The following SPIDR variants were observed in gnomAD, a reference collection of about 807,000 sequenced individuals.
The protein encoded by SPIDR is scaffold protein involved in DNA repair, also known as DNA repair-scaffolding protein.
In SPIDR, 93 loss-of-function variants were observed where a neutral mutation model predicts 104.6. The observed-to-expected ratio is 0.89, with a 90% CI of 0.75 to 1.06. The LOEUF (loss-of-function observed/expected upper bound fraction) is 1.06, where lower values mean the gene tolerates loss of function less well. Ranked by LOEUF, SPIDR falls within the 50% of genes least tolerant of loss-of-function variation. The pLI, the probability that SPIDR is intolerant of heterozygous loss-of-function variation, is 0.00. For synonymous variants in SPIDR, 431 were observed against 416.9 expected (o/e 1.03, Z -0.41); for missense variants, 1,154 against 1,111.2 (o/e 1.04, Z -0.55).
chr8:47,430,447 C>T (rs1269281053), intron 7 of SPIDR, among the ~76,000 whole-genome samples: 4 of 152,046 alleles, frequency 2.6e-5, no homozygotes, highest in Admixed American at 1.3e-4. Flanking sequence ...TGGCAGGGGC[C>T]GGATTGATGT....
chr8:47,402,970 CTGAA>C (rs1273778670), intron 6 of SPIDR, among the ~76,000 whole-genome samples: 1 of 152,164 alleles, frequency 6.6e-6, no homozygotes, highest in Non-Finnish European at 1.5e-5. Context: ...TACTGGCAAA[CTGAA>C]TGCAGCAGCA....
At position 47,547,004 on chromosome 8, in the gene SPIDR, G is replaced by A. The variant is rs2089516462; in HGVS notation, c.1098-48807G>A. 5.9e-6 allele frequency: 3 copies of A among 509,074 alleles called. No homozygotes were observed. The Admixed American group carries it at 6.9e-5, about 12-fold the overall frequency. 31.5% of individuals were successfully genotyped at this position (509,074 alleles called of 1,614,324 possible). On this transcript the variant is annotated intron_variant, in intron 8 of 19. Coordinates refer to ENST00000297423, the MANE Select transcript of SPIDR (RefSeq NM_001080394.4). ...AAGATCAAGGGTGCCTCTCTCTGTG[G>A]GTAATGACACCAGTTCTTCCCAAGT...
chr8:47,584,120 A>G, intron 8 of SPIDR, among the ~76,000 whole-genome samples: 1 of 152,158 alleles, frequency 6.6e-6, no homozygotes, highest in Non-Finnish European at 1.5e-5. Context: ...GATTTCCCAG[A>G]TCATATAGAT....
intron 16 of SPIDR, among the ~76,000 whole-genome samples, chr8:47,718,936 G>C (rs1009427837): frequency 8.6e-5 from 13 of 151,940 alleles, no homozygotes; most frequent in Admixed American, 3.9e-4. Context: ...CCCTACGCAG[G>C]GCTCCTTCTA....
intron 7 of SPIDR, among the ~76,000 whole-genome samples, chr8:47,429,082 A>G (rs988715748): frequency 7.9e-5 from 12 of 152,212 alleles, no homozygotes; most frequent in South Asian, 2.1e-4. Context: ...CTGTGATACT[A>G]GTTTGTTCAC....
At chr8:47,297,629 G>A (rs950655748) in intron 5 of SPIDR, among the ~76,000 whole-genome samples, 25 of 151,722 alleles carry the variant, frequency 1.6e-4, no homozygotes, top group Admixed American at 9.9e-4. Flanking sequence ...CACGACAGGC[G>A]CCGGTGTGTG....
intron 8 of SPIDR, among the ~76,000 whole-genome samples, chr8:47,537,095 C>G (rs919679674): frequency 2.0e-5 from 3 of 152,186 alleles, no homozygotes; most frequent in Non-Finnish European, 4.4e-5. Flanking sequence ...AAGAACAGAA[C>G]TATCATTCAT....
At chr8:47,491,108 T>G (rs139317441) in intron 8 of SPIDR, among the ~76,000 whole-genome samples, 2 of 152,132 alleles carry the variant, frequency 1.3e-5, no homozygotes, top group Admixed American at 1.3e-4. Context: ...CTTCAAACTT[T>G]AAAAAGACGT....
chr8:47,663,436 T>G (rs2074420957), intron 10 of SPIDR, among the ~76,000 whole-genome samples: 4 of 152,258 alleles, frequency 2.6e-5, no homozygotes, highest in Non-Finnish European at 5.9e-5. Context: ...GCAGTCCTGC[T>G]GTATTTAGCA....
At chr8:47,722,062 G>C (rs1213021677) in intron 16 of SPIDR, among the ~76,000 whole-genome samples, 1 of 152,184 alleles carries the variant, frequency 6.6e-6, no homozygotes, top group Non-Finnish European at 1.5e-5. Flanking sequence ...TCTTTCAGAA[G>C]AGTTTTTTAG....
intron 10 of SPIDR, among the ~76,000 whole-genome samples, chr8:47,607,481 C>G (rs1455203336): frequency 6.6e-6 from 1 of 152,024 alleles, no homozygotes; most frequent in African/African-American, 2.4e-5. Flanking sequence ...TAATGAGGAA[C>G]ATGCACTAGT....
intron 5 of SPIDR, among the ~76,000 whole-genome samples, chr8:47,377,665 G>A (rs957213866): frequency 2.0e-5 from 3 of 152,238 alleles, no homozygotes; most frequent in Admixed American, 2.0e-4. Context: ...GGAAACAGCA[G>A]GTTTCACCAT....
intron 5 of SPIDR, among the ~76,000 whole-genome samples, chr8:47,296,598 TC>T (rs1242855467): frequency 2.0e-5 from 3 of 152,228 alleles, no homozygotes; most frequent in Non-Finnish European, 4.4e-5. Context: ...TTCTGGGCTC[TC>T]TACCCTGTTT....
rs1207420914 is a variant in SPIDR at position 47,396,613 on chromosome 8, A to G, written c.763A>G (p.Lys255Glu). 7.4e-6 allele frequency: 12 copies of G among 1,612,828 alleles called. No individual in the cohort carries two copies. Among genetic ancestry groups the G allele is most frequent in the East Asian group, 6.7e-5 (3 of 44,860 alleles). The change falls in exon 6 of 20, where the codon AAG becomes GAG. Residue 255 changes from lysine (K) to glutamate (E), a missense_variant. Transcript: ENST00000297423. ...FPRTPENSAK[K>E]KLLRGGLAER... ...CAGGACTCCAGAAAATTCAGCAAAG[A>G]AGAAGCTTTTAAGGTTAAATTATAC...
At chr8:47,411,799 A>C (rs1478854059) in intron 7 of SPIDR, among the ~76,000 whole-genome samples, 1 of 152,174 alleles carries the variant, frequency 6.6e-6, no homozygotes, top group African/African-American at 2.4e-5. Context: ...TCTAACATTT[A>C]AGTCTTTAAT....
chr8:47,474,926 G>C (rs1356497163), intron 8 of SPIDR, among the ~76,000 whole-genome samples: 1 of 152,170 alleles, frequency 6.6e-6, no homozygotes, highest in Non-Finnish European at 1.5e-5. Context: ...TGGCTTTTAG[G>C]TCAGCTTGGA....
At chr8:47,619,171 GT>G (rs2064772302) in intron 10 of SPIDR, among the ~76,000 whole-genome samples, 1 of 152,120 alleles carries the variant, frequency 6.6e-6, no homozygotes, top group South Asian at 2.1e-4. Flanking sequence ...GATTAAGTTG[GT>G]TTTAGTCATG....
At position 47,700,361 on chromosome 8, in the gene SPIDR, G is replaced by A. The variant is rs772184578; in HGVS notation, c.1686-42G>A. 6 of 1,600,248 alleles carry A rather than the reference G, an allele frequency of 3.7e-6. No individual in the cohort carries two copies. The South Asian group carries it at 6.6e-5, about 18-fold the overall frequency. ...AGCTCACTGGCCAAGTACTCAGTAA[G>A]GGATGTCTGATGATGAATACCTTTG... On this transcript the variant is annotated intron_variant, in intron 11 of 19. Transcript: ENST00000297423.
At chr8:47,502,761 C>G (rs542964804) in intron 8 of SPIDR, among the ~76,000 whole-genome samples, 2 of 152,164 alleles carry the variant, frequency 1.3e-5, no homozygotes, top group East Asian at 1.9e-4. Context: ...CCTGCTTTCT[C>G]TTATGGGCAT....
Sources: gnomAD v4.1 joint callset for allele counts (sites outside exome capture counted in the v4.1 genomes callset) on GRCh38, gnomAD v4.1.1 for gene constraint, MANE v1.5 for transcripts, NCBI Gene and HGNC (gene_info 2026-07-23, HGNC 2026-07-21) for gene names.